Variants in DPYS observed in about 807,000 individuals in gnomAD.
DPYS encodes dihydropyrimidinase, also known as dihydropyrimidine amidohydrolase.
A neutral mutation model predicts 50.3 loss-of-function variants in DPYS; 39 were observed. The observed-to-expected ratio is 0.78, with a 90% CI of 0.60 to 1.01. The LOEUF (loss-of-function observed/expected upper bound fraction) is 1.01, where lower values mean the gene tolerates loss of function less well. Ranked by LOEUF, DPYS falls within the 50% of genes least tolerant of loss-of-function variation. DPYS has a pLI of 0.00. For synonymous variants in DPYS, 245 were observed against 250.7 expected (o/e 0.98, Z 0.22); for missense variants, 659 against 680.9 (o/e 0.97, Z 0.36).
intron 8 of DPYS, among the ~76,000 whole-genome samples, chr8:104,391,008 A>G (rs138830168): frequency 1.6e-3 from 245 of 152,300 alleles, no homozygotes; most frequent in African/African-American, 5.6e-3. Context: ...AACATTTATA[A>G]ACTAACTCCC....
At chr8:104,412,499 A>G (rs1024186361) in intron 7 of DPYS, among the ~76,000 whole-genome samples, 12 of 152,228 alleles carry the variant, frequency 7.9e-5, no homozygotes, top group African/African-American at 2.4e-4. Flanking sequence ...GAATGATGAA[A>G]TACGTGCAGA....
At chr8:104,441,064 C>T (rs1293767738) in intron 4 of DPYS, among the ~76,000 whole-genome samples, 1 of 152,138 alleles carries the variant, frequency 6.6e-6, no homozygotes, top group East Asian at 1.9e-4. Context: ...CCTCTTTGGG[C>T]CCCTGCTTGA....
At chr8:104,396,086 C>T (rs1179984465) in intron 7 of DPYS, among the ~76,000 whole-genome samples, 2 of 152,034 alleles carry the variant, frequency 1.3e-5, no homozygotes, top group Non-Finnish European at 2.9e-5. Flanking sequence ...GATACAAACT[C>T]AAAGAAAATA....
intron 7 of DPYS, among the ~76,000 whole-genome samples, chr8:104,404,337 A>T (rs752671133): frequency 6.6e-6 from 1 of 152,180 alleles, no homozygotes; most frequent in African/African-American, 2.4e-5. Context: ...TAACCATGCA[A>T]TGCTCACTGT....
At chr8:104,461,866 CA>C (rs1226669373) in intron 1 of DPYS, among the ~76,000 whole-genome samples, 4 of 151,994 alleles carry the variant, frequency 2.6e-5, no homozygotes, top group South Asian at 2.1e-4. Context: ...TATTTAAGGA[CA>C]GGGGGAAATG....
intron 5 of DPYS, 162 bp downstream of exon 5, chr8:104,429,383 T>C (rs1812868088): frequency 2.7e-6 from 2 of 743,564 alleles, no homozygotes; most frequent in Non-Finnish European, 4.4e-6. Flanking sequence ...CATAATTAAG[T>C]CAATGTTTTT....
At chr8:104,400,788 A>G (rs779444157) in intron 7 of DPYS, among the ~76,000 whole-genome samples, 13 of 152,254 alleles carry the variant, frequency 8.5e-5, no homozygotes, top group Non-Finnish European at 1.8e-4. Flanking sequence ...CCAAGGCAGA[A>G]GCAGATATGG....
chr8:104,419,115 T>A, intron 7 of DPYS: 18 of 962,484 alleles, frequency 1.9e-5, no homozygotes, highest in Non-Finnish European at 2.2e-5. Flanking sequence ...CTCCTCTCCT[T>A]GGAAAATCTT....
In DPYS at chr8:104,424,367, T is replaced by C; in HGVS notation, c.1115A>G (p.Asn372Ser). 6.2e-7 allele frequency: 1 copy of C among 1,613,872 alleles called. No homozygotes were observed. The highest frequency in any genetic ancestry group is 8.5e-7 in the Non-Finnish European group (1 of 1,179,998). Residue 372 changes from asparagine (N) to serine (S), a missense_variant, in exon 7 of 10, where the codon AAC (asparagine) becomes AGC (serine). Coordinates refer to ENST00000351513, the MANE Select transcript of DPYS (RefSeq NM_001385.3). ...TGTGCTGGTAACTGCCACAAATCTGTTTTCATCCATTTTACCACTATGCTG... is the reference window on the plus strand; with the variant it reads ...TGTGCTGGTAACTGCCACAAATCTGCTTTCATCCATTTTACCACTATGCTG... Reference protein sequence around the residue: ...KGVHSGKMDENRFVAVTSTNA... With the variant: ...KGVHSGKMDESRFVAVTSTNA...
At chr8:104,428,193 T>C in intron 5 of DPYS, 72 bp from the exon 6 acceptor site, 1 of 1,592,308 alleles carries the variant, frequency 6.3e-7, no homozygotes, top group Non-Finnish European at 8.6e-7. Context: ...GCCATAACCT[T>C]TCCTAATCTC....
At chr8:104,447,558 T>C (rs750901634) in intron 2 of DPYS, 55 bp from the exon 3 acceptor site, 188 of 1,589,994 alleles carry the variant, frequency 1.2e-4, no homozygotes, top group Admixed American at 8.7e-4. Flanking sequence ...TAAATGATAA[T>C]TTCAACCTTC....
In DPYS at chr8:104,441,836, G is replaced by A. The variant is rs1433183464; in HGVS notation, c.793+2412C>T. 4.6e-5 allele frequency among the ~76,000 whole-genome samples: 7 copies of A among 152,318 alleles called. No homozygotes were observed. The South Asian group carries it at 1.0e-3, about 23-fold the overall frequency. On this transcript the variant is annotated intron_variant, in intron 4 of 9. Transcript: ENST00000351513. ...ACAACCCAGATGTCCATCAATAGGG[G>A]ACTTGTTGAATAAATACAGTAGCAT...
At chr8:104,466,306 G>A (rs1426574344) in intron 1 of DPYS, among the ~76,000 whole-genome samples, 1 of 152,218 alleles carries the variant, frequency 6.6e-6, no homozygotes, top group Non-Finnish European at 1.5e-5. Context: ...GACTTCCACA[G>A]AACACCAATC....
chr8:104,406,172 A>G (rs1811990008), intron 7 of DPYS, among the ~76,000 whole-genome samples: 1 of 152,104 alleles, frequency 6.6e-6, no homozygotes, highest in Non-Finnish European at 1.5e-5. Context: ...CCCTTCTAAG[A>G]GGCTGTAAGC....
At chr8:104,438,110 A>G (rs927737211) in intron 4 of DPYS, among the ~76,000 whole-genome samples, 1 of 152,222 alleles carries the variant, frequency 6.6e-6, no homozygotes, top group Non-Finnish European at 1.5e-5. Flanking sequence ...TCTTCAAAGT[A>G]ATTCAAGAAA....
chr8:104,442,725 T>C (rs907795291), intron 4 of DPYS, among the ~76,000 whole-genome samples: 1 of 152,196 alleles, frequency 6.6e-6, no homozygotes, highest in Non-Finnish European at 1.5e-5. Flanking sequence ...TGAACCTTAA[T>C]GCAACAAGAA....
chr8:104,466,717 C>G lies in DPYS; in HGVS notation c.204G>C (p.Thr68=). The G allele has an allele frequency of 3.9e-6, 6 of 1,535,796 alleles. No individual in the cohort carries two copies. Among genetic ancestry groups the G allele is most frequent in the Non-Finnish European group, 4.4e-6 (5 of 1,145,410 alleles). The change falls in exon 1 of 10, where the codon ACG becomes ACC. Residue 68 remains threonine (T), a synonymous_variant. Transcript: ENST00000351513. ...AGCCCATGAAGGGGAACTGCATGTG[C>G]GTGTGTGTGTCGATGCCTCCGGGCA... ...LVLPGGIDTH[T]HMQFPFMGSR...
At chr8:104,389,045 T>C (rs141485747) in intron 8 of DPYS, among the ~76,000 whole-genome samples, 2 of 152,322 alleles carry the variant, frequency 1.3e-5, no homozygotes, top group African/African-American at 4.8e-5. Flanking sequence ...ATGTACCAAG[T>C]ACTGGCAAAA....
chr8:104,425,371 G>A (rs1006095875), intron 6 of DPYS, among the ~76,000 whole-genome samples: 7 of 151,978 alleles, frequency 4.6e-5, no homozygotes, highest in Non-Finnish European at 7.4e-5. Flanking sequence ...AGGTTGGTGC[G>A]AAAGCAATCT....
Sources: gnomAD v4.1 joint callset for allele counts (sites outside exome capture counted in the v4.1 genomes callset) on GRCh38, gnomAD v4.1.1 for gene constraint, MANE v1.5 for transcripts, NCBI Gene and HGNC (gene_info 2026-07-23, HGNC 2026-07-21) for gene names.